The following NCBP3 variants were observed in gnomAD, a reference collection of about 807,000 sequenced individuals.
NCBP3 encodes the protein nuclear cap binding subunit 3.
NCBP3 carries 20 observed loss-of-function variants against 75.7 expected under a neutral mutation model. That is an observed-to-expected ratio of 0.26 (90% CI 0.19 to 0.38). The LOEUF is 0.38. Among genes scored for constraint, NCBP3 ranks in the 10% least tolerant of loss-of-function variants. NCBP3 has a pLI of 1.00. For synonymous variants in NCBP3, 293 were observed against 290.5 expected (o/e 1.01, Z -0.09); for missense variants, 678 against 796.9 (o/e 0.85, Z 1.80).
intron 10 of NCBP3, among the ~76,000 whole-genome samples, chr17:3,817,029 C>T (rs1378150269): frequency 6.7e-6 from 1 of 148,902 alleles, no homozygotes; most frequent in Non-Finnish European, 1.5e-5. Context: ...AGCGAGACTC[C>T]GTCTCAAAAA....
intron 2 of NCBP3, among the ~76,000 whole-genome samples, chr17:3,842,494 A>AT (rs2054082872): frequency 1.3e-5 from 2 of 152,092 alleles, no homozygotes; most frequent in South Asian, 2.1e-4. Context: ...AACAGTACAC[A>AT]TTTTTTTAGA....
chr17:3,843,257 T>TTG, intron 1 of NCBP3, 106 bp from the exon 2 acceptor site: 1 of 897,296 alleles, frequency 1.1e-6, no homozygotes, highest in Non-Finnish European at 1.7e-6. Flanking sequence ...TTTTTTTTTT[T>TTG]TTGTTGGTGA....
chr17:3,834,511 C>T (rs1347661817), intron 3 of NCBP3, among the ~76,000 whole-genome samples: 1 of 152,240 alleles, frequency 6.6e-6, no homozygotes, highest in Non-Finnish European at 1.5e-5. Flanking sequence ...CGCGGTGGCT[C>T]ACGCCTGTAA....
Position 3,806,018 on chromosome 17 carries a change from T to C in NCBP3, c.*7026A>G, listed in dbSNP as rs17763420. ...CCTCTCACAGGCCCTGAGGAGAAGA[T>C]GGCCACATCACAGGATCGAACACTA... On this transcript the variant is annotated 3_prime_UTR_variant, in exon 13 of 13. Coordinates refer to ENST00000389005, the MANE Select transcript of NCBP3 (RefSeq NM_001114118.3). The C allele has an allele frequency of 6.6e-6, 1 of 152,218 alleles. No individual in the cohort carries two copies. The highest frequency in any genetic ancestry group is 2.4e-5 in the African/African-American group (1 of 41,410). 9.4% of individuals were successfully genotyped at this position (152,218 alleles called of 1,614,324 possible).
In NCBP3 at chr17:3,819,992, G is replaced by A. The variant is rs183543966; in HGVS notation, c.1000+1257C>T. Among the ~76,000 whole-genome samples, 11 of 152,252 alleles carry A rather than the reference G, an allele frequency of 7.2e-5. No individual in the cohort carries two copies. The East Asian group carries it at 1.3e-3, about 19-fold the overall frequency. ...TTTTGAGACAAAGTCTTGCTCTGTCGCCCAGGTTGGAATACAGTGGCACAA... is the reference window on the plus strand; with the variant it reads ...TTTTGAGACAAAGTCTTGCTCTGTCACCCAGGTTGGAATACAGTGGCACAA... On this transcript the variant is annotated intron_variant, in intron 9 of 12. Coordinates refer to ENST00000389005, the MANE Select transcript of NCBP3 (RefSeq NM_001114118.3).
intron 7 of NCBP3, chr17:3,823,834 G>A (rs1396960472): frequency 1.3e-5 from 2 of 152,156 alleles, no homozygotes; most frequent in East Asian, 1.9e-4. Context: ...GGACTGGGAC[G>A]AGTAAGTATC....
chr17:3,817,338 A>C (rs1256772400), intron 10 of NCBP3, among the ~76,000 whole-genome samples: 1 of 152,064 alleles, frequency 6.6e-6, no homozygotes, highest in Non-Finnish European at 1.5e-5. Context: ...CTGGGATTAA[A>C]ACCCTTCTGA....
chr17:3,818,508 T>TTCCTCTTCCTCCTCCTCC lies in NCBP3; in HGVS notation c.1047_1064dup (p.Glu354_Glu359dup). ...CCATGTCCTGGTCTTCTTCTTCCTCTTCCTCTTCCTCCTCCTCCTCCTCTT... is the reference window on the plus strand; with the variant it reads ...CCATGTCCTGGTCTTCTTCTTCCTCTTCCTCTTCCTCCTCCTCCTCCTCTTCCTCCTCCTCCTCCTCTT... On this transcript the variant is annotated inframe_insertion, in exon 10 of 13. Coordinates refer to ENST00000389005, the MANE Select transcript of NCBP3 (RefSeq NM_001114118.3). This position sits in a 1 kb window ranked among gnomAD's most constrained non-coding sequence, Gnocchi z 4.7. 1 of 1,613,138 alleles carries TTCCTCTTCCTCCTCCTCC rather than the reference T, an allele frequency of 6.2e-7. No homozygotes were observed. The highest frequency in any genetic ancestry group is 8.5e-7 in the Non-Finnish European group (1 of 1,179,966).
At chr17:3,825,739 T>G (rs2053772107) in intron 6 of NCBP3, 28 bp downstream of exon 6, 1 of 1,493,284 alleles carries the variant, frequency 6.7e-7, no homozygotes, top group African/African-American at 1.4e-5. Flanking sequence ...TACAATAACT[T>G]TACATCTATC....
At chr17:3,834,936 C>A (rs1235472631) in intron 3 of NCBP3, among the ~76,000 whole-genome samples, 2 of 152,218 alleles carry the variant, frequency 1.3e-5, no homozygotes, top group East Asian at 3.9e-4. Context: ...ATTTCAAGTT[C>A]ATTAAGCCAC....
intron 7 of NCBP3, chr17:3,824,355 TACACAC>T (rs141212964): frequency 6.7e-6 from 1 of 149,632 alleles, no homozygotes; most frequent in African/African-American, 2.5e-5. Context: ...CACACACACA[TACACAC>T]ACACATACAC....
chr17:3,818,381 C>T lies in NCBP3; in HGVS notation c.1192G>A (p.Asp398Asn), dbSNP rs751377137. Residue 398 changes from aspartate to asparagine, a missense_variant, in exon 10 of 13, where the codon GAC becomes AAC. Around this residue, in one of 7 missense-constraint regions of NCBP3, gnomAD observed 365 missense variants for 392.7 expected, o/e 0.93. Coordinates refer to ENST00000389005, the MANE Select transcript of NCBP3 (RefSeq NM_001114118.3). The surrounding 1 kb of genome is among the most constrained non-coding windows in gnomAD (Gnocchi z 4.7). ...ASRRSSASSSDSDEMDYDLEL... is the reference protein window; with the variant it reads ...ASRRSSASSSNSDEMDYDLEL... ...AGATCATAGTCCATTTCATCTGAGT[C>T]TGAGCTGCTGGCACTGGATCGTCTA... The T allele has an allele frequency of 6.8e-6, 11 of 1,614,164 alleles. No individual in the cohort carries two copies. In the South Asian group the frequency reaches 1.2e-4, roughly 18 times the overall value.
intron 1 of NCBP3, among the ~76,000 whole-genome samples, chr17:3,844,141 C>T (rs1007186338): frequency 1.3e-5 from 2 of 152,222 alleles, no homozygotes; most frequent in Non-Finnish European, 2.9e-5. Flanking sequence ...TCCACCTCAA[C>T]GCAGAAGGTC....
At chr17:3,831,476 G>A (rs1452564292) in intron 3 of NCBP3, among the ~76,000 whole-genome samples, 1 of 148,874 alleles carries the variant, frequency 6.7e-6, no homozygotes, top group Non-Finnish European at 1.5e-5. Context: ...GGGAGGCCGA[G>A]GCAGGAGAAT....
At chr17:3,834,917 C>G (rs190285076) in intron 3 of NCBP3, among the ~76,000 whole-genome samples, 1 of 151,882 alleles carries the variant, frequency 6.6e-6, no homozygotes, top group African/African-American at 2.4e-5. Context: ...AATACATAGA[C>G]GGTGCTCTAT....
Position 3,826,166 on chromosome 17 carries a change from A to G in NCBP3, c.531T>C (p.Asn177=). The change falls in exon 5 of 13, where the codon AAT becomes AAC. Residue 177 remains asparagine, a synonymous_variant. Transcript: ENST00000389005. ...DEMTATRALI[N]MSSLPAQDKI... The stretch of plus-strand genomic sequence containing the variant: ...TATCCTGTGCAGGCAGGGAGCTCAT[A>G]TTGATAAGTGCTCGTGTGGCTGTCA... 4 of 1,551,612 alleles carry G rather than the reference A, an allele frequency of 2.6e-6. No homozygotes were observed. Among genetic ancestry groups the G allele is most frequent in the Non-Finnish European group, 3.5e-6 (4 of 1,146,936 alleles).
intron 4 of NCBP3, among the ~76,000 whole-genome samples, chr17:3,827,159 G>A (rs1221506849): frequency 6.6e-6 from 1 of 152,138 alleles, no homozygotes; most frequent in Admixed American, 6.6e-5. Flanking sequence ...TCTCTCTGAT[G>A]AAATTAGCCT....
rs757987952 is a variant in NCBP3, at chr17:3,818,556, G to C, written c.1017C>G (p.Pro339=). Residue 339 remains proline, a synonymous_variant, in exon 10 of 13, where the codon CCC becomes CCG. Transcript: ENST00000389005. This position sits in a 1 kb window ranked among gnomAD's most constrained non-coding sequence, Gnocchi z 4.7. ...CTTCCTCCTCTTCAATGGGTTCCTCGGGAACATTCACTAGCCCTGAAGAAA... is the reference window on the plus strand; with the variant it reads ...CTTCCTCCTCTTCAATGGGTTCCTCCGGAACATTCACTAGCCCTGAAGAAA... ...KHRHSGLVNV[P]EEPIEEEEEE... is the part of the protein sequence containing the mutation. 2 of 1,606,038 alleles carry C rather than the reference G, an allele frequency of 1.2e-6. No homozygotes were observed. The highest frequency in any genetic ancestry group is 1.7e-6 in the Non-Finnish European group (2 of 1,179,074).
chr17:3,822,053 C>T lies in NCBP3; in HGVS notation c.797-1G>A, dbSNP rs977766701. On this transcript the variant is annotated splice_acceptor_variant, in intron 7 of 12. Transcript: ENST00000389005. LOFTEE classifies it high-confidence loss of function. ...GCTGCTCCAAGTTCCTTTTTGTCATCTAAAAATTAATGACAATAGTTACCT... is the reference window on the plus strand; with the variant it reads ...GCTGCTCCAAGTTCCTTTTTGTCATTTAAAAATTAATGACAATAGTTACCT... 1 of 1,585,056 alleles carries T rather than the reference C, an allele frequency of 6.3e-7. No individual in the cohort carries two copies. The highest frequency in any genetic ancestry group is 8.6e-7 in the Non-Finnish European group (1 of 1,157,254).
Sources: allele counts gnomAD v4.1 joint callset (sites outside exome capture counted in the v4.1 genomes callset), GRCh38; gene constraint gnomAD v4.1.1; regional missense constraint gnomAD v4.1.1; non-coding constraint Gnocchi (gnomAD v3.1); transcripts MANE v1.5; gene names NCBI Gene and HGNC (gene_info 2026-07-23, HGNC 2026-07-21).